KCTD8: variants seen among roughly 807,000 people sequenced by gnomAD.
KCTD8 encodes potassium channel tetramerization domain containing 8, also known as BTB/POZ domain-containing protein KCTD8.
Under a neutral mutation model 31.5 loss-of-function variants are expected in KCTD8, and 27 were observed. The ratio of observed to expected loss-of-function variants is 0.86; its 90% CI spans 0.63 to 1.18. The LOEUF (loss-of-function observed/expected upper bound fraction) is 1.18. Ranked by LOEUF, KCTD8 falls within the 50% of genes most tolerant of loss-of-function variation. The pLI is 0.00. For synonymous variants in KCTD8, 290 were observed against 280.0 expected (o/e 1.04, Z -0.36); for missense variants, 658 against 647.7 (o/e 1.02, Z -0.17).
At chr4:44,419,812 G>A (rs887089031) in intron 1 of KCTD8, among the ~76,000 whole-genome samples, 4 of 151,678 alleles carry the variant, frequency 2.6e-5, no homozygotes, top group African/African-American at 4.8e-5. Context: ...TAACAAACCT[G>A]CACATTGTGC....
At chr4:44,263,161 T>C (rs1363740111) in intron 1 of KCTD8, among the ~76,000 whole-genome samples, 1 of 152,186 alleles carries the variant, frequency 6.6e-6, no homozygotes, top group Non-Finnish European at 1.5e-5. Context: ...ATTTTTATAA[T>C]CTTCATTTTG....
chr4:44,295,587 T>C (rs1717405966), intron 1 of KCTD8, among the ~76,000 whole-genome samples: 1 of 152,206 alleles, frequency 6.6e-6, no homozygotes, highest in Non-Finnish European at 1.5e-5. Context: ...ATTTGATAAG[T>C]ATTACCTGTC....
At chr4:44,265,287 T>C (rs900763871) in intron 1 of KCTD8, among the ~76,000 whole-genome samples, 6 of 152,118 alleles carry the variant, frequency 3.9e-5, no homozygotes, top group Non-Finnish European at 7.3e-5. Context: ...AAACAGGGTC[T>C]GGAGTGGACC....
chr4:44,411,591 A>G (rs1000830796), intron 1 of KCTD8, among the ~76,000 whole-genome samples: 2 of 152,092 alleles, frequency 1.3e-5, no homozygotes, highest in Non-Finnish European at 2.9e-5. Flanking sequence ...TCCCCAAAAT[A>G]ATATGCTGAA....
intron 1 of KCTD8, among the ~76,000 whole-genome samples, chr4:44,181,204 T>C (rs1487976408): frequency 8.7e-6 from 1 of 114,566 alleles, no homozygotes; most frequent in South Asian, 2.8e-4. Context: ...CTTTCCACGG[T>C]CTCCCTCTCC....
At chr4:44,175,913 A>G (rs1383828079) in intron 1 of KCTD8, among the ~76,000 whole-genome samples, 1 of 152,240 alleles carries the variant, frequency 6.6e-6, no homozygotes, top group Non-Finnish European at 1.5e-5. Flanking sequence ...GAAATATGGT[A>G]TTCTCTTAAA....
intron 1 of KCTD8, among the ~76,000 whole-genome samples, chr4:44,190,374 T>C (rs929553803): frequency 6.6e-6 from 1 of 152,244 alleles, no homozygotes; most frequent in African/African-American, 2.4e-5. Flanking sequence ...TCTTCACCTA[T>C]GTGAATGATA....
chr4:44,436,532 C>G (rs750957677), intron 1 of KCTD8, among the ~76,000 whole-genome samples: 5 of 151,884 alleles, frequency 3.3e-5, no homozygotes, highest in Non-Finnish European at 7.4e-5. Context: ...AATGATGTAT[C>G]AGATATTGAC....
intron 1 of KCTD8, among the ~76,000 whole-genome samples, chr4:44,407,570 GA>G (rs1720831805): frequency 1.3e-5 from 2 of 151,810 alleles, no homozygotes; most frequent in African/African-American, 4.8e-5. Context: ...ATTTTTAGTA[GA>G]GACGAGGTTT....
At chr4:44,384,059 A>G (rs1388076656) in intron 1 of KCTD8, among the ~76,000 whole-genome samples, 1 of 151,984 alleles carries the variant, frequency 6.6e-6, no homozygotes, top group African/African-American at 2.4e-5. Flanking sequence ...TATATTTAAA[A>G]AATGCTCAAA....
intron 1 of KCTD8, among the ~76,000 whole-genome samples, chr4:44,207,557 G>A (rs1052709472): frequency 2.0e-5 from 3 of 152,142 alleles, no homozygotes; most frequent in Admixed American, 6.5e-5. Context: ...ATGAATTACT[G>A]AAAGTCCCTG....
chr4:44,369,067 G>A (rs1196867746), intron 1 of KCTD8, among the ~76,000 whole-genome samples: 2 of 152,148 alleles, frequency 1.3e-5, no homozygotes, highest in Non-Finnish European at 2.9e-5. Flanking sequence ...ACCAGTATAA[G>A]GAAGACGTGG....
At chr4:44,243,751 G>T (rs955578160) in intron 1 of KCTD8, among the ~76,000 whole-genome samples, 3 of 152,218 alleles carry the variant, frequency 2.0e-5, no homozygotes, top group African/African-American at 7.2e-5. Context: ...CCAGACAGCT[G>T]CCTTGTCAGC....
intron 1 of KCTD8, among the ~76,000 whole-genome samples, chr4:44,285,527 G>A (rs1015010668): frequency 6.6e-6 from 1 of 152,094 alleles, no homozygotes; most frequent in African/African-American, 2.4e-5. Context: ...TGTAGGTGAT[G>A]GGATGATGGG....
chr4:44,213,643 C>A (rs1437244919), intron 1 of KCTD8, among the ~76,000 whole-genome samples: 2 of 152,032 alleles, frequency 1.3e-5, no homozygotes, highest in African/African-American at 4.8e-5. Flanking sequence ...AATGAAAAAT[C>A]CCTGTGGTAT....
chr4:44,301,957 C>T, intron 1 of KCTD8, among the ~76,000 whole-genome samples: 1 of 152,156 alleles, frequency 6.6e-6, no homozygotes, highest in East Asian at 1.9e-4. Context: ...TTTCCCAGCA[C>T]CATTTATTAA....
At chr4:44,228,690 C>T (rs902950585) in intron 1 of KCTD8, among the ~76,000 whole-genome samples, 2 of 152,176 alleles carry the variant, frequency 1.3e-5, no homozygotes, top group African/African-American at 4.8e-5. Flanking sequence ...ACTATTACCC[C>T]CCATTATTCC....
chr4:44,438,107 G>A (rs773263577), intron 1 of KCTD8, among the ~76,000 whole-genome samples: 6 of 152,122 alleles, frequency 3.9e-5, no homozygotes, highest in Non-Finnish European at 8.8e-5. Context: ...GAAGAAAAGA[G>A]ATCAGAATAT....
intron 1 of KCTD8, among the ~76,000 whole-genome samples, chr4:44,415,397 TAG>T (rs1260477347): frequency 6.6e-6 from 1 of 152,106 alleles, no homozygotes; most frequent in Admixed American, 6.6e-5. Context: ...AACCACTGGC[TAG>T]AGAGATTAGC....
Sources: allele counts gnomAD v4.1 joint callset (sites outside exome capture counted in the v4.1 genomes callset), GRCh38; gene constraint gnomAD v4.1.1; transcripts MANE v1.5; gene names NCBI Gene and HGNC (gene_info 2026-07-23, HGNC 2026-07-21).